AQP7: variants seen among roughly 807,000 people sequenced by gnomAD.
AQP7 encodes aquaporin 7.
In AQP7, 22 loss-of-function variants were observed where a neutral mutation model predicts 26.1. That is an observed-to-expected ratio of 0.84 (90% CI 0.60 to 1.20). The LOEUF (loss-of-function observed/expected upper bound fraction) is 1.20. Ranked by LOEUF, AQP7 falls within the 50% of genes most tolerant of loss-of-function variation. AQP7 has a pLI of 0.00. For synonymous variants in AQP7, 167 were observed against 181.7 expected (o/e 0.92, Z 0.65); for missense variants, 412 against 457.5 (o/e 0.90, Z 0.91).
At chr9:33,388,144 G>A (rs576696661) in intron 3 of AQP7, among the ~76,000 whole-genome samples, 32 of 152,236 alleles carry the variant, frequency 2.1e-4, no homozygotes, top group Non-Finnish European at 2.9e-4. Context: ...CGTCATCTCC[G>A]CGGGGGAGCC....
At chr9:33,389,765 G>A (rs200745315) in intron 3 of AQP7, among the ~76,000 whole-genome samples, 1 of 152,124 alleles carries the variant, frequency 6.6e-6, no homozygotes, top group Non-Finnish European at 1.5e-5. Flanking sequence ...GGCCGGATGC[G>A]GTGGCTCATG....
intron 2 of AQP7, among the ~76,000 whole-genome samples, chr9:33,399,361 G>A (rs1380254657): frequency 2.6e-5 from 4 of 151,974 alleles, no homozygotes; most frequent in Non-Finnish European, 4.4e-5. Flanking sequence ...TTAGGAGGCC[G>A]AGGCAGGTGG....
chr9:33,397,365 G>A (rs1191879461), intron 2 of AQP7, among the ~76,000 whole-genome samples: 2 of 151,984 alleles, frequency 1.3e-5, no homozygotes, highest in Non-Finnish European at 2.9e-5. Flanking sequence ...GACTGTCTTT[G>A]GGCTGCTGCT....
At position 33,386,281 on chromosome 9, in the gene AQP7, G is replaced by C. The variant is rs1327399857; in HGVS notation, c.407-86C>G. On this transcript the variant is annotated intron_variant, in intron 5 of 7. Coordinates refer to ENST00000297988, the MANE Select transcript of AQP7 (RefSeq NM_001170.3). ...AAATGAGGTTATAGGTTAGAGGGTG[G>C]GGGATCTCCAAGGCTTTTTTCTCCC... is the stretch of plus-strand genomic sequence containing the variant. 5.0e-6 allele frequency: 8 copies of C among 1,601,134 alleles called. No homozygotes were observed. In the East Asian group the frequency reaches 1.3e-4, roughly 27 times the overall value.
chr9:33,387,675 C>G (rs900146125), intron 3 of AQP7, among the ~76,000 whole-genome samples: 1 of 152,020 alleles, frequency 6.6e-6, no homozygotes, highest in Non-Finnish European at 1.5e-5. Context: ...CACGGCTCCT[C>G]AGATAATGAC....
chr9:33,394,486 C>CTTTTTTTTTTTTTTTTTTTTT (rs56966031), intron 3 of AQP7, among the ~76,000 whole-genome samples: 1 of 115,112 alleles, frequency 8.7e-6, no homozygotes. Context: ...CTCTCTCTCT[C>CTTTTTTTTTTTTTTTTTTTTT]TTTTTTTTTT....
At chr9:33,399,824 A>T (rs1257046994) in intron 2 of AQP7, among the ~76,000 whole-genome samples, 1 of 151,626 alleles carries the variant, frequency 6.6e-6, no homozygotes, top group Non-Finnish European at 1.5e-5. Flanking sequence ...GTGGCCTGAC[A>T]TGGCCATGGG....
intron 3 of AQP7, among the ~76,000 whole-genome samples, chr9:33,390,312 G>A (rs1345300813): frequency 1.3e-5 from 2 of 152,062 alleles, no homozygotes; most frequent in African/African-American, 4.8e-5. Context: ...AAGTGGAGGG[G>A]TCCTCCAGGA....
At chr9:33,390,548 G>C (rs993658571) in intron 3 of AQP7, among the ~76,000 whole-genome samples, 5 of 152,168 alleles carry the variant, frequency 3.3e-5, no homozygotes, top group African/African-American at 7.2e-5. Context: ...AGATATGGTG[G>C]GGGAGAGGCA....
chr9:33,395,574 G>C (rs1825788837), intron 2 of AQP7: 1 of 231,456 alleles, frequency 4.3e-6, no homozygotes, highest in Non-Finnish European at 8.6e-6. Context: ...GTCTATGTCT[G>C]TCCGTCTGTC....
At chr9:33,385,913 C>T (rs1472935480) in intron 6 of AQP7, 47 bp from the exon 7 acceptor site, 1 of 1,579,674 alleles carries the variant, frequency 6.3e-7, no homozygotes, top group Non-Finnish European at 8.6e-7. Flanking sequence ...CTCCCCAAGC[C>T]ACAGGACCTC....
chr9:33,387,535 A>G (rs2380981), intron 3 of AQP7, among the ~76,000 whole-genome samples: 1 of 150,180 alleles, frequency 6.7e-6, no homozygotes, highest in East Asian at 2.0e-4. Context: ...TCCCTGCACA[A>G]ACACACACAC....
chr9:33,392,448 A>G (rs1002515235), intron 3 of AQP7, among the ~76,000 whole-genome samples: 35 of 152,272 alleles, frequency 2.3e-4, no homozygotes, highest in Middle Eastern at 3.4e-3. Context: ...TCACAGGGCT[A>G]TTGCGAGGAT....
At position 33,385,238 on chromosome 9, in the gene AQP7, A is replaced by AGGCACCCAGAAGTGGTGCCACCACT. The variant is rs1824632240; in HGVS notation, c.771_795dup (p.Tyr266SerfsTer37). 6.2e-7 allele frequency: 1 copy of AGGCACCCAGAAGTGGTGCCACCACT among 1,611,702 alleles called. No homozygotes were observed. Among genetic ancestry groups the AGGCACCCAGAAGTGGTGCCACCACT allele is most frequent in the African/African-American group, 1.3e-5 (1 of 74,826 alleles). On this transcript the variant is annotated frameshift_variant, in exon 8 of 8. Coordinates refer to ENST00000297988, the MANE Select transcript of AQP7 (RefSeq NM_001170.3). LOFTEE classifies it low-confidence loss of function (END_TRUNC). The stretch of plus-strand genomic sequence containing the variant: ...ACCAGGTAGATGATGCCACCTAGAT[A>AGGCACCCAGAAGTGGTGCCACCACT]GGCACCCAGAAGTGGTGCCACCACT...
At chr9:33,395,235 C>G in intron 2 of AQP7, 40 bp from the exon 3 acceptor site, 1 of 1,548,690 alleles carries the variant, frequency 6.5e-7, no homozygotes, top group Non-Finnish European at 8.9e-7. Context: ...AAAGGAGACT[C>G]AAGTCTGCCT....
At chr9:33,394,341 A>C (rs1444862044) in intron 3 of AQP7, 1 of 152,162 alleles carries the variant, frequency 6.6e-6, no homozygotes, top group Non-Finnish European at 1.5e-5. Flanking sequence ...TGTTCTGCTT[A>C]TGCTCCACAC....
At chr9:33,399,814 G>A (rs1332457439) in intron 2 of AQP7, among the ~76,000 whole-genome samples, 1 of 152,068 alleles carries the variant, frequency 6.6e-6, no homozygotes, top group East Asian at 1.9e-4. Context: ...TGGGCGGGTG[G>A]TGGCCTGACA....
intron 3 of AQP7, among the ~76,000 whole-genome samples, chr9:33,390,634 A>G (rs970429004): frequency 6.6e-6 from 1 of 152,046 alleles, no homozygotes; most frequent in Non-Finnish European, 1.5e-5. Context: ...CTGGCTTCAG[A>G]TCCAGGATAA....
chr9:33,392,105 G>A (rs1383530210), intron 3 of AQP7, among the ~76,000 whole-genome samples: 1 of 152,116 alleles, frequency 6.6e-6, no homozygotes, highest in Non-Finnish European at 1.5e-5. Flanking sequence ...CTTGAAGTCA[G>A]GAGTTCAAGA....
Sources: allele counts gnomAD v4.1 joint callset (sites outside exome capture counted in the v4.1 genomes callset), GRCh38; gene constraint gnomAD v4.1.1; transcripts MANE v1.5; gene names NCBI Gene and HGNC (gene_info 2026-07-23, HGNC 2026-07-21).